Variants in TMEM232 observed in about 807,000 individuals in gnomAD.
TMEM232 encodes the protein transmembrane protein 232.
A neutral mutation model predicts 78.8 loss-of-function variants in TMEM232; 80 were observed. The ratio of observed to expected loss-of-function variants is 1.01; its 90% CI spans 0.85 to 1.22. The LOEUF (loss-of-function observed/expected upper bound fraction) is 1.22, where lower values mean the gene tolerates loss of function less well. Among genes scored for constraint, TMEM232 ranks in the 50% most tolerant of loss-of-function variants. TMEM232 has a pLI of 0.00. For missense variants in TMEM232, 881 were observed against 742.2 expected (o/e 1.19, Z -2.17); for synonymous variants, 297 against 254.3 (o/e 1.17, Z -1.60).
chr5:110,396,168 G>C (rs1755380225), intron 3 of TMEM232, among the ~76,000 whole-genome samples: 1 of 152,180 alleles, frequency 6.6e-6, no homozygotes, highest in South Asian at 2.1e-4. Flanking sequence ...AGGAGAGAGA[G>C]AGAATGCAGG....
intron 1 of TMEM232, among the ~76,000 whole-genome samples, chr5:110,687,328 T>G (rs911218454): frequency 4.6e-5 from 7 of 152,140 alleles, no homozygotes; most frequent in African/African-American, 1.7e-4. Context: ...GAGCATATAT[T>G]CAGGGCAACT....
At chr5:110,660,012 A>G (rs936285333) in intron 2 of TMEM232, among the ~76,000 whole-genome samples, 1 of 152,102 alleles carries the variant, frequency 6.6e-6, no homozygotes, top group African/African-American at 2.4e-5. Context: ...TATATGTATA[A>G]ATAATACCCA....
chr5:110,452,053 G>A (rs2149337342), intron 12 of TMEM232, among the ~76,000 whole-genome samples: 1 of 152,144 alleles, frequency 6.6e-6, no homozygotes, highest in Non-Finnish European at 1.5e-5. Flanking sequence ...AGTTTAGAAT[G>A]TTTTTCCCAT....
In TMEM232 at chr5:110,557,448, T is replaced by C. The variant is rs908085687; in HGVS notation, c.1455+10999A>G. ...GGTAATTTGGAGGTAAGAAGACTAA[T>C]GTTGATCCATTCTCATACTGCTATA... On this transcript the variant is annotated intron_variant, in intron 11 of 13. Transcript: ENST00000455884. Among the ~76,000 whole-genome samples, 7 of 152,294 alleles carry C rather than the reference T, an allele frequency of 4.6e-5. No individual in the cohort carries two copies. In the East Asian group the frequency reaches 1.2e-3, roughly 25 times the overall value.
chr5:110,712,158 C>G (rs1796556993), intron 1 of TMEM232, among the ~76,000 whole-genome samples: 1 of 148,660 alleles, frequency 6.7e-6, no homozygotes, highest in East Asian at 2.0e-4. Flanking sequence ...ACAAGAAAAC[C>G]TTGAAGAAAC....
downstream of TMEM232, among the ~76,000 whole-genome samples, chr5:110,415,151 A>G (rs1169672018): frequency 6.6e-6 from 1 of 151,564 alleles, no homozygotes. Context: ...GGTACAGAGT[A>G]AGGACATCAA....
At chr5:110,627,718 A>G in intron 6 of TMEM232, 63 bp downstream of exon 6, 1 of 1,134,682 alleles carries the variant, frequency 8.8e-7, no homozygotes, top group Non-Finnish European at 1.2e-6. Flanking sequence ...TTATAGTGAC[A>G]GTCTGAGCTT....
At chr5:110,546,683 C>G (rs939491248) in intron 11 of TMEM232, among the ~76,000 whole-genome samples, 3 of 152,042 alleles carry the variant, frequency 2.0e-5, no homozygotes, top group Non-Finnish European at 4.4e-5. Context: ...GGCACAAGCC[C>G]TCACTGTATA....
At chr5:110,447,140 C>T (rs1170652807) in intron 12 of TMEM232, among the ~76,000 whole-genome samples, 1 of 149,980 alleles carries the variant, frequency 6.7e-6, no homozygotes, top group Non-Finnish European at 1.5e-5. Context: ...TATACACATA[C>T]ATATATATGT....
chr5:110,546,026 C>A (rs1271377202), intron 11 of TMEM232, among the ~76,000 whole-genome samples: 1 of 152,042 alleles, frequency 6.6e-6, no homozygotes. Flanking sequence ...AATACTCAGG[C>A]AACAGTTGGG....
At chr5:110,403,548 T>C (rs1301483814) in intron 2 of TMEM232, among the ~76,000 whole-genome samples, 1 of 152,016 alleles carries the variant, frequency 6.6e-6, no homozygotes, top group African/African-American at 2.4e-5. Context: ...TAAAATTATA[T>C]CAGAAGATAT....
chr5:110,499,870 AT>A (rs1362356368), intron 12 of TMEM232, among the ~76,000 whole-genome samples: 3 of 152,352 alleles, frequency 2.0e-5, no homozygotes, highest in African/African-American at 7.2e-5. Flanking sequence ...AGAATATTTA[AT>A]TATACTATCA....
chr5:110,572,470 C>A (rs1777064025), intron 10 of TMEM232, among the ~76,000 whole-genome samples: 1 of 152,022 alleles, frequency 6.6e-6, no homozygotes, highest in South Asian at 2.1e-4. Context: ...CATTTACTTA[C>A]AGACTCTCAA....
rs1775609758 is a variant in TMEM232 at position 110,560,485 on chromosome 5, T to C, written c.1455+7962A>G. ...GTTCACAGGGAACAAACTGAAAATT[T>C]TTCCAACGGCCAGAGCTGGAACAAT... is the stretch of plus-strand genomic sequence containing the variant. On this transcript the variant is annotated intron_variant, in intron 11 of 13. Coordinates refer to ENST00000455884, the MANE Select transcript of TMEM232 (RefSeq NM_001039763.4). Among the ~76,000 whole-genome samples the C allele has an allele frequency of 2.0e-5, 3 of 152,256 alleles. No individual in the cohort carries two copies. The South Asian group carries it at 6.2e-4, about 32-fold the overall frequency.
At chr5:110,705,855 A>G (rs1410981084) in intron 1 of TMEM232, among the ~76,000 whole-genome samples, 8 of 151,470 alleles carry the variant, frequency 5.3e-5, no homozygotes, top group Admixed American at 5.3e-4. Context: ...ACTGTCCCCA[A>G]AATGTGTGGA....
intron 3 of TMEM232, among the ~76,000 whole-genome samples, chr5:110,394,297 G>A (rs1264483148): frequency 2.0e-5 from 3 of 152,092 alleles, no homozygotes; most frequent in African/African-American, 7.2e-5. Flanking sequence ...TTCTTTTTAT[G>A]TCTACATGGT....
At chr5:110,611,039 T>C (rs1004655622) in intron 8 of TMEM232, among the ~76,000 whole-genome samples, 1 of 152,000 alleles carries the variant, frequency 6.6e-6, no homozygotes, top group Admixed American at 6.6e-5. Context: ...AATAGGTAAG[T>C]TTTAATAAAC....
chr5:110,588,434 T>C (rs1779114067), intron 10 of TMEM232, among the ~76,000 whole-genome samples: 1 of 152,050 alleles, frequency 6.6e-6, no homozygotes, highest in African/African-American at 2.4e-5. Context: ...CCCAGCAAAC[T>C]GAAGAAGTTA....
At chr5:110,452,095 C>T (rs566429066) in intron 12 of TMEM232, among the ~76,000 whole-genome samples, 44 of 152,176 alleles carry the variant, frequency 2.9e-4, no homozygotes, top group African/African-American at 9.9e-4. Context: ...GCTACAGAAT[C>T]TTGACTTTAA....
Sources: allele counts gnomAD v4.1 joint callset (sites outside exome capture counted in the v4.1 genomes callset), GRCh38; gene constraint gnomAD v4.1.1; transcripts MANE v1.5; gene names NCBI Gene and HGNC (gene_info 2026-07-23, HGNC 2026-07-21).